GPATCH2: variants seen among roughly 807,000 people sequenced by gnomAD.
The protein encoded by GPATCH2 is G patch domain-containing protein 2.
GPATCH2 carries 51 observed loss-of-function variants against 58.0 expected under a neutral mutation model. That is an observed-to-expected ratio of 0.88 (90% CI 0.70 to 1.11). GPATCH2 has a LOEUF of 1.11. Ranked by LOEUF, GPATCH2 falls within the 50% of genes most tolerant of loss-of-function variation. The pLI, the probability that GPATCH2 is intolerant of heterozygous loss-of-function variation, is 0.00. For synonymous variants in GPATCH2, 222 were observed against 218.5 expected (o/e 1.02, Z -0.14); for missense variants, 625 against 652.2 (o/e 0.96, Z 0.45).
chr1:217,504,908 A>C (rs893393455), intron 6 of GPATCH2, among the ~76,000 whole-genome samples: 6 of 152,240 alleles, frequency 3.9e-5, no homozygotes, highest in African/African-American at 1.4e-4. Context: ...AAACACAGGA[A>C]GTAGCATCCT....
At chr1:217,556,702 A>G (rs1237874274) in intron 5 of GPATCH2, among the ~76,000 whole-genome samples, 3 of 152,228 alleles carry the variant, frequency 2.0e-5, no homozygotes, top group African/African-American at 4.8e-5. Context: ...ACAAAAGTGC[A>G]GAAGTTTCCC....
chr1:217,526,415 A>T (rs1663909820), intron 5 of GPATCH2, among the ~76,000 whole-genome samples: 1 of 152,192 alleles, frequency 6.6e-6, no homozygotes, highest in Non-Finnish European at 1.5e-5. Flanking sequence ...GTATGTAATC[A>T]TGATTTGATG....
intron 8 of GPATCH2, among the ~76,000 whole-genome samples, chr1:217,474,802 T>C (rs1422852997): frequency 2.6e-5 from 4 of 152,194 alleles, no homozygotes; most frequent in African/African-American, 9.7e-5. Context: ...TATAGTTCTC[T>C]TCTCTCACCT....
intron 9 of GPATCH2, among the ~76,000 whole-genome samples, chr1:217,439,989 G>A (rs1430347854): frequency 1.3e-5 from 2 of 152,230 alleles, no homozygotes; most frequent in East Asian, 1.9e-4. Context: ...GATAGAAAAA[G>A]AGGGACTCCT....
chr1:217,536,057 A>T (rs1664445206), intron 5 of GPATCH2, among the ~76,000 whole-genome samples: 1 of 152,128 alleles, frequency 6.6e-6, no homozygotes, highest in East Asian at 1.9e-4. Context: ...CAATTTTAAA[A>T]TTTTATTAGT....
chr1:217,463,436 A>G (rs1335004239), intron 8 of GPATCH2, among the ~76,000 whole-genome samples: 1 of 152,116 alleles, frequency 6.6e-6, no homozygotes, highest in Non-Finnish European at 1.5e-5. Flanking sequence ...GGCTGAAAAA[A>G]TAAGAAAGGC....
chr1:217,449,179 T>C, intron 9 of GPATCH2, 70 bp downstream of exon 9: 1 of 833,412 alleles, frequency 1.2e-6, no homozygotes, highest in Non-Finnish European at 2.1e-6. Flanking sequence ...TTAAGAAGTA[T>C]CTACATTTTA....
chr1:217,547,007 G>A (rs1381566445), intron 5 of GPATCH2, among the ~76,000 whole-genome samples: 1 of 152,056 alleles, frequency 6.6e-6, no homozygotes, highest in African/African-American at 2.4e-5. Context: ...CAACATCACT[G>A]ATCATTGGAG....
At chr1:217,463,523 A>T (rs1267164012) in intron 8 of GPATCH2, among the ~76,000 whole-genome samples, 2 of 151,870 alleles carry the variant, frequency 1.3e-5, no homozygotes, top group Non-Finnish European at 2.9e-5. Flanking sequence ...ATTTTTAAGT[A>T]GGCCAGCAGG....
At chr1:217,586,768 G>A (rs1048561003) in intron 5 of GPATCH2, among the ~76,000 whole-genome samples, 1 of 152,104 alleles carries the variant, frequency 6.6e-6, no homozygotes, top group African/African-American at 2.4e-5. Flanking sequence ...ACAAACATGT[G>A]ACTAATGTAC....
At chr1:217,556,005 C>G (rs1191699567) in intron 5 of GPATCH2, among the ~76,000 whole-genome samples, 1 of 152,194 alleles carries the variant, frequency 6.6e-6, no homozygotes, top group Non-Finnish European at 1.5e-5. Context: ...GAACTGCTCT[C>G]TCTTTCTTAA....
chr1:217,609,763 AAATT>A (rs1668537021), intron 5 of GPATCH2: 1 of 958,030 alleles, frequency 1.0e-6, no homozygotes, highest in African/African-American at 1.8e-5. Flanking sequence ...AGATATGTAA[AAATT>A]AATTCTTAAT....
At chr1:217,481,830 T>C (rs1661225087) in intron 8 of GPATCH2, among the ~76,000 whole-genome samples, 1 of 152,110 alleles carries the variant, frequency 6.6e-6, no homozygotes, top group African/African-American at 2.4e-5. Context: ...CACTGCACTT[T>C]AGCCTGAAAG....
At chr1:217,480,618 G>A (rs949065040) in intron 8 of GPATCH2, among the ~76,000 whole-genome samples, 1 of 152,158 alleles carries the variant, frequency 6.6e-6, no homozygotes, top group Non-Finnish European at 1.5e-5. Context: ...GCTACCATAT[G>A]ATCCAGCAAT....
At chr1:217,562,188 ATGCCCCCCTCCC>A (rs1665961227) in intron 5 of GPATCH2, among the ~76,000 whole-genome samples, 1 of 152,198 alleles carries the variant, frequency 6.6e-6, no homozygotes, top group East Asian at 1.9e-4. Flanking sequence ...TTAACACGGA[ATGCCCCCCTCCC>A]TTTTTTAAAA....
At chr1:217,613,914 T>C (rs1326361901) in intron 3 of GPATCH2, among the ~76,000 whole-genome samples, 2 of 152,182 alleles carry the variant, frequency 1.3e-5, no homozygotes, top group Non-Finnish European at 2.9e-5. Flanking sequence ...CTTAATATTA[T>C]TAGCTCCACA....
At chr1:217,447,955 G>A (rs1345576004) in intron 9 of GPATCH2, among the ~76,000 whole-genome samples, 2 of 152,014 alleles carry the variant, frequency 1.3e-5, no homozygotes, top group Non-Finnish European at 1.5e-5. Flanking sequence ...AAAATTAGCT[G>A]GGCATGGTGG....
At chr1:217,568,343 TC>T (rs1365617775) in intron 5 of GPATCH2, among the ~76,000 whole-genome samples, 2 of 152,122 alleles carry the variant, frequency 1.3e-5, no homozygotes, top group South Asian at 2.1e-4. Context: ...GTACTATGTG[TC>T]AGGCACAGTG....
rs181537427 is a variant in GPATCH2, at chr1:217,607,834, C to G, written c.1098+2487G>C. Among the ~76,000 whole-genome samples, 389 of 152,278 alleles carry G rather than the reference C, an allele frequency of 2.6e-3. 3 individuals are homozygous for G. Among genetic ancestry groups the G allele is most frequent in the South Asian group, 0.022 (105 of 4,816 alleles). On this transcript the variant is annotated intron_variant, in intron 5 of 9. Coordinates refer to ENST00000366935, the MANE Select transcript of GPATCH2 (RefSeq NM_018040.5). ...GTAAAAGATTCTTCCTCTGTCATTT[C>G]CTTCAAAGATACTACATCATTATAT...
Sources: gnomAD v4.1 joint callset for allele counts (sites outside exome capture counted in the v4.1 genomes callset) on GRCh38, gnomAD v4.1.1 for gene constraint, MANE v1.5 for transcripts, NCBI Gene and HGNC (gene_info 2026-07-23, HGNC 2026-07-21) for gene names.